ENTR1: variants seen among roughly 807,000 people sequenced by gnomAD.
ENTR1 encodes the protein endosome-associated-trafficking regulator 1.
In ENTR1, 47 loss-of-function variants were observed where a neutral mutation model predicts 47.9. That is an observed-to-expected ratio of 0.98 (90% CI 0.78 to 1.25). The LOEUF (loss-of-function observed/expected upper bound fraction) is 1.25. ENTR1 is among the 50% of genes most tolerant of loss of function. The probability of loss-of-function intolerance (pLI) is 0.00; values close to 1 mark genes in which losing one functional copy is unlikely to be tolerated. For synonymous variants in ENTR1, 290 were observed against 245.8 expected (o/e 1.18, Z -1.68); for missense variants, 668 against 570.5 (o/e 1.17, Z -1.74).
chr9:136,407,080 G>A, intron 5 of ENTR1, 65 bp downstream of exon 5: 1 of 1,493,600 alleles, frequency 6.7e-7, no homozygotes, highest in Non-Finnish European at 9.0e-7. Flanking sequence ...GATGGCTCCA[G>A]GTTCTCCCCG....
rs554256386 is a variant in ENTR1 at position 136,402,583 on chromosome 9, C to T, written c.*205G>A. The T allele has an allele frequency of 2.2e-6, 1 of 450,238 alleles. No homozygotes were observed. Among genetic ancestry groups the T allele is most frequent in the Non-Finnish European group, 3.9e-6 (1 of 254,390 alleles). The allele number at this position is 450,238 out of a possible 1,614,324, so 27.9% of individuals were successfully genotyped here. A position where few individuals can be genotyped will look rare whatever the true frequency, so the allele number is the denominator to read the frequency against. On this transcript the variant is annotated 3_prime_UTR_variant, in exon 10 of 10. Transcript: ENST00000357365. ...GCAGGAATTTCGCCAAGAAGGGCTG[C>T]ATAGAAACCACAGAGACAACTCGGC...
chr9:136,403,613 C>T (rs1229507329), intron 9 of ENTR1, among the ~76,000 whole-genome samples: 1 of 152,096 alleles, frequency 6.6e-6, no homozygotes, highest in African/African-American at 2.4e-5. Flanking sequence ...TGGGGGCCAA[C>T]ACCGCCCTGC....
At chr9:136,405,739 CAAAAT>C (rs1564407542) in intron 6 of ENTR1, among the ~76,000 whole-genome samples, 161 bp downstream of exon 6, 1 of 152,178 alleles carries the variant, frequency 6.6e-6, no homozygotes, top group Admixed American at 6.5e-5. Flanking sequence ...AAGACTGTCT[CAAAAT>C]AAACTTTTAG....
intron 3 of ENTR1, among the ~76,000 whole-genome samples, chr9:136,408,494 C>A (rs10870137): frequency 6.6e-6 from 1 of 151,762 alleles, no homozygotes. Context: ...AGGAGAATGG[C>A]GTGAACCTGG....
rs1834859978 is a variant in ENTR1 at position 136,407,909 on chromosome 9, T to C, written c.319A>G (p.Asn107Asp). ...AGAAACTCTCTAAAAGAGAATGGAT[T>C]TGCCTCTTCCAGATCTTCAAATCTG... ...DDRFEDLEEA[N>D]PFSFREFLKT... Residue 107 changes from asparagine (N) to aspartate (D), a missense_variant, in exon 4 of 10, where the codon AAT becomes GAT. By Grantham distance (23) the Asn-to-Asp change is conservative. Transcript: ENST00000357365. 6.2e-7 allele frequency: 1 copy of C among 1,611,630 alleles called. No homozygotes were observed.
intron 9 of ENTR1, 47 bp downstream of exon 9, chr9:136,404,008 C>A: frequency 6.5e-7 from 1 of 1,546,010 alleles, no homozygotes; most frequent in Middle Eastern, 2.4e-4. Context: ...CCACTCCAAT[C>A]TCACCCCTTT....
At chr9:136,404,553 T>C (rs1414162637) in intron 8 of ENTR1, 78 bp downstream of exon 8, 2 of 1,481,714 alleles carry the variant, frequency 1.3e-6, no homozygotes, top group Non-Finnish European at 1.9e-6. Flanking sequence ...CAGCAGAGTC[T>C]TTCGCCTCTT....
Position 136,404,161 on chromosome 9 carries a change from CTTCA to C in ENTR1, c.1098_1101del (p.Asn366LysfsTer11), listed in dbSNP as rs1564405521. 2.5e-6 allele frequency: 4 copies of C among 1,612,066 alleles called. No individual in the cohort carries two copies. Among genetic ancestry groups the C allele is most frequent in the Non-Finnish European group, 3.4e-6 (4 of 1,179,302 alleles). On this transcript the variant is annotated frameshift_variant, in exon 9 of 10. Transcript: ENST00000357365. LOFTEE classifies it high-confidence loss of function. ...CTGGCACCCTGGCCGCACCGCAGGG[CTTCA>C]TTCTCTCGCTGGAAGTTGGAGACCT... is the stretch of plus-strand genomic sequence containing the variant.
At chr9:136,408,823 T>C (rs1003144289) in intron 3 of ENTR1, among the ~76,000 whole-genome samples, 176 bp downstream of exon 3, 2 of 152,180 alleles carry the variant, frequency 1.3e-5, no homozygotes, top group African/African-American at 4.8e-5. Context: ...CCCCGCTCCC[T>C]GATGTCACCT....
intron 2 of ENTR1, 41 bp from the exon 3 acceptor site, chr9:136,409,108 C>G (rs551436200): frequency 1.9e-6 from 3 of 1,576,680 alleles, no homozygotes; most frequent in Non-Finnish European, 2.6e-6. Context: ...GGCAGGAAGT[C>G]TTTATGACCT....
rs945326858 is a variant in ENTR1, at chr9:136,405,823, G to A, written c.893+82C>T. 3 of 814,476 alleles carry A rather than the reference G, an allele frequency of 3.7e-6. 1 individual carries two copies. The highest frequency in any genetic ancestry group is 5.9e-6 in the Non-Finnish European group (3 of 510,504). The allele number at this position is 814,476 out of a possible 1,614,324, so 50.5% of individuals were successfully genotyped here. A position where few individuals can be genotyped will look rare whatever the true frequency, so the allele number is the denominator to read the frequency against. ...TAAAACCCAGATCTGGTTTGACTCT[G>A]ATTACTTCATTATCATTTAAAAACG... On this transcript the variant is annotated intron_variant, in intron 6 of 9. Coordinates refer to ENST00000357365, the MANE Select transcript of ENTR1 (RefSeq NM_001039707.2).
At chr9:136,403,902 C>T (rs1834630219) in intron 9 of ENTR1, 153 bp downstream of exon 9, 3 of 874,232 alleles carry the variant, frequency 3.4e-6, no homozygotes, top group East Asian at 2.6e-5. Context: ...ACCCAGAGAG[C>T]TAACAGGACC....
chr9:136,409,312 C>T (rs1259305285), intron 2 of ENTR1, among the ~76,000 whole-genome samples: 1 of 152,080 alleles, frequency 6.6e-6, no homozygotes, highest in South Asian at 2.1e-4. Context: ...TCCCGAGTAG[C>T]TGGGACTACA....
At chr9:136,403,144 A>G (rs1834572332) in intron 9 of ENTR1, among the ~76,000 whole-genome samples, 1 of 32,794 alleles carries the variant, frequency 3.0e-5, no homozygotes, top group African/African-American at 1.3e-4. Context: ...AGGGGGAGAA[A>G]GGGGAGGAAT....
In ENTR1 at chr9:136,410,319, C is replaced by G; in HGVS notation, c.70+9G>C. Reference sequence around the variant, plus strand: ...CTGGACCGCTGGACTCGGCCCCTGCCCCGCTCACCGTCGGGAATGGCGAGG... The same window carrying G: ...CTGGACCGCTGGACTCGGCCCCTGCGCCGCTCACCGTCGGGAATGGCGAGG... On this transcript the variant is annotated intron_variant, in intron 1 of 9. Transcript: ENST00000357365. 6.5e-7 allele frequency: 1 copy of G among 1,548,452 alleles called. No homozygotes were observed. Among genetic ancestry groups the G allele is most frequent in the Non-Finnish European group, 8.7e-7 (1 of 1,146,454 alleles).
At position 136,403,335 on chromosome 9, in the gene ENTR1, G is replaced by A. The variant is rs947764534; in HGVS notation, c.1209-448C>T. On this transcript the variant is annotated intron_variant, in intron 9 of 9. Transcript: ENST00000357365. ...GTGGGGTTTGCCGGGGGGAGAAAGG[G>A]ACAGGGTTCCAGGGAGCAAGGGGTG... is the stretch of plus-strand genomic sequence containing the variant. 1.8e-5 allele frequency among the ~76,000 whole-genome samples: 2 copies of A among 112,688 alleles called. 1 individual carries two copies. The highest frequency in any genetic ancestry group is 6.7e-5 in the African/African-American group (2 of 29,954). 73.9% of individuals were successfully genotyped at this position (112,688 alleles called of 152,430 possible). A position where few individuals can be genotyped will look rare whatever the true frequency, so the allele number is the denominator to read the frequency against.
At chr9:136,405,841 TA>T in intron 6 of ENTR1, 63 bp downstream of exon 6, 1 of 1,024,524 alleles carries the variant, frequency 9.8e-7, no homozygotes, top group Non-Finnish European at 1.5e-6. Flanking sequence ...CATTATCATT[TA>T]AAAACGGATT....
rs531168552 is a variant in ENTR1 at position 136,409,068 on chromosome 9, C to G, written c.221-1G>C. 3.7e-6 allele frequency: 6 copies of G among 1,613,730 alleles called. No homozygotes were observed. The highest frequency in any genetic ancestry group is 5.1e-6 in the Non-Finnish European group (6 of 1,179,912). ...CATTTCCCCTTTCCATAGCCAAAAT[C>G]TGCAAAGAAACAATGTCACCCACCA... On this transcript the variant is annotated splice_acceptor_variant, in intron 2 of 9. Transcript: ENST00000357365. LOFTEE classifies it high-confidence loss of function.
chr9:136,408,936 C>A, intron 3 of ENTR1, 63 bp downstream of exon 3: 1 of 1,390,050 alleles, frequency 7.2e-7, no homozygotes, highest in South Asian at 1.2e-5. Flanking sequence ...ACAGTCCCAC[C>A]AGACACGTGC....
Sources: gnomAD v4.1 joint callset for allele counts (sites outside exome capture counted in the v4.1 genomes callset) on GRCh38, gnomAD v4.1.1 for gene constraint, MANE v1.5 for transcripts, NCBI Gene and HGNC (gene_info 2026-07-23, HGNC 2026-07-21) for gene names.